TMTC2: variants seen among roughly 807,000 people sequenced by gnomAD.
TMTC2 encodes transmembrane O-mannosyltransferase targeting cadherins 2.
A neutral mutation model predicts 82.4 loss-of-function variants in TMTC2; 43 were observed. The observed-to-expected ratio is 0.52, with a 90% CI of 0.41 to 0.67. The LOEUF is 0.67. Among genes scored for constraint, TMTC2 ranks in the 30% least tolerant of loss-of-function variants. The pLI is 0.00. For synonymous variants in TMTC2, 408 were observed against 381.9 expected (o/e 1.07, Z -0.80); for missense variants, 919 against 1,012.4 (o/e 0.91, Z 1.25).
At chr12:82,897,803 G>A (rs1873756565) in intron 3 of TMTC2, among the ~76,000 whole-genome samples, 1 of 152,108 alleles carries the variant, frequency 6.6e-6, no homozygotes, top group African/African-American at 2.4e-5. Context: ...AGGATTACAG[G>A]TGTGAGCCAC....
At chr12:82,856,213 A>ATG (rs1871253321) in intron 1 of TMTC2, among the ~76,000 whole-genome samples, 6 of 152,364 alleles carry the variant, frequency 3.9e-5, no homozygotes, top group Middle Eastern at 6.8e-3. Flanking sequence ...GTTTGAAAAT[A>ATG]TCAGGCATGC....
chr12:83,075,053 G>C (rs1398546388), intron 11 of TMTC2, among the ~76,000 whole-genome samples: 1 of 152,184 alleles, frequency 6.6e-6, no homozygotes, highest in Non-Finnish European at 1.5e-5. Flanking sequence ...GGGCCTTTCT[G>C]CTGCTTCCTC....
intron 1 of TMTC2, among the ~76,000 whole-genome samples, chr12:82,839,950 C>G (rs949936425): frequency 1.1e-4 from 17 of 152,090 alleles, no homozygotes; most frequent in African/African-American, 3.9e-4. Context: ...ATGATTAATG[C>G]AAGCAAAATT....
chr12:82,845,226 CAAAAAAAA>C (rs66859423), intron 1 of TMTC2, among the ~76,000 whole-genome samples: 2 of 45,560 alleles, frequency 4.4e-5, no homozygotes, highest in African/African-American at 2.0e-4. Flanking sequence ...GTGACTGTCT[CAAAAAAAA>C]AAAAAAAAAA....
chr12:82,774,519 G>T (rs917830951), intron 1 of TMTC2, among the ~76,000 whole-genome samples: 4 of 151,962 alleles, frequency 2.6e-5, no homozygotes, highest in Admixed American at 2.6e-4. Context: ...TACTCGGGAG[G>T]CTGAGACAGG....
chr12:82,952,523 A>C (rs1877401900), intron 4 of TMTC2, among the ~76,000 whole-genome samples: 3 of 150,486 alleles, frequency 2.0e-5, no homozygotes, highest in Admixed American at 1.3e-4. Context: ...ACACACAGAC[A>C]CACACACACA....
chr12:82,851,792 G>A (rs1468881242), intron 1 of TMTC2, among the ~76,000 whole-genome samples: 1 of 151,898 alleles, frequency 6.6e-6, no homozygotes, highest in Non-Finnish European at 1.5e-5. Context: ...ACAATTGAAA[G>A]CATGTCAGAA....
At chr12:82,991,337 C>T (rs1208918756) in intron 8 of TMTC2, among the ~76,000 whole-genome samples, 1 of 152,012 alleles carries the variant, frequency 6.6e-6, no homozygotes, top group East Asian at 1.9e-4. Context: ...TATTTAGTTA[C>T]TCAATAACTA....
chr12:83,074,450 G>A (rs901247841), intron 11 of TMTC2, among the ~76,000 whole-genome samples: 3 of 152,094 alleles, frequency 2.0e-5, no homozygotes, highest in Non-Finnish European at 4.4e-5. Flanking sequence ...TCTCCTGCTG[G>A]GACCATCAAG....
chr12:82,774,314 C>T (rs934805902), intron 1 of TMTC2, among the ~76,000 whole-genome samples: 3 of 152,028 alleles, frequency 2.0e-5, no homozygotes, highest in Admixed American at 6.6e-5. Flanking sequence ...AAGTTTATTT[C>T]TTGCTTATAA....
chr12:82,808,128 G>T (rs1239714899), intron 1 of TMTC2, among the ~76,000 whole-genome samples: 2 of 151,676 alleles, frequency 1.3e-5, no homozygotes, highest in Non-Finnish European at 2.9e-5. Flanking sequence ...CATCTCTGGG[G>T]ATTAAAAAGC....
intron 1 of TMTC2, among the ~76,000 whole-genome samples, chr12:82,785,356 A>ACCCCC (rs150549652): frequency 4.0e-5 from 5 of 123,876 alleles, no homozygotes; most frequent in African/African-American, 1.6e-4. Flanking sequence ...TAAACAAACA[A>ACCCCC]CCCCCCCCCG....
intron 2 of TMTC2, among the ~76,000 whole-genome samples, chr12:82,860,312 C>T (rs1286351390): frequency 6.6e-6 from 1 of 152,138 alleles, no homozygotes; most frequent in African/African-American, 2.4e-5. Context: ...TCATCTTTGC[C>T]ACTCTCTTCA....
At chr12:82,996,296 G>A (rs568941602) in intron 8 of TMTC2, among the ~76,000 whole-genome samples, 1 of 152,296 alleles carries the variant, frequency 6.6e-6, no homozygotes, top group East Asian at 1.9e-4. Context: ...ACTGAAAGGG[G>A]TGAGGGTGAA....
intron 4 of TMTC2, among the ~76,000 whole-genome samples, chr12:82,957,493 T>G (rs1024104502): frequency 3.9e-5 from 6 of 151,992 alleles, no homozygotes; most frequent in African/African-American, 1.4e-4. Context: ...GCAAGCTAAC[T>G]GCAAAGGCAG....
intron 1 of TMTC2, among the ~76,000 whole-genome samples, chr12:82,796,659 T>G (rs1406154126): frequency 6.6e-6 from 1 of 152,110 alleles, no homozygotes; most frequent in Non-Finnish European, 1.5e-5. Flanking sequence ...AGTGACAGCC[T>G]CCTCCTCAGC....
At chr12:82,921,723 A>G (rs541156358) in intron 3 of TMTC2, among the ~76,000 whole-genome samples, 165 of 152,258 alleles carry the variant, frequency 1.1e-3, no homozygotes, top group Middle Eastern at 6.8e-3. Flanking sequence ...TATTTTTTGA[A>G]CTTCAGATAA....
At chr12:82,753,170 C>A (rs1383579872) in intron 1 of TMTC2, among the ~76,000 whole-genome samples, 1 of 152,024 alleles carries the variant, frequency 6.6e-6, no homozygotes, top group African/African-American at 2.4e-5. Flanking sequence ...CTCATCTTTT[C>A]CACTCATCAC....
At chr12:82,936,349 CTGAT>C (rs1238159866) in intron 4 of TMTC2, among the ~76,000 whole-genome samples, 3 of 151,928 alleles carry the variant, frequency 2.0e-5, no homozygotes, top group African/African-American at 7.3e-5. Flanking sequence ...CTAGATAAAA[CTGAT>C]TGCAATGTAT....
Sources: gnomAD v4.1 joint callset for allele counts (sites outside exome capture counted in the v4.1 genomes callset) on GRCh38, gnomAD v4.1.1 for gene constraint, MANE v1.5 for transcripts, NCBI Gene and HGNC (gene_info 2026-07-23, HGNC 2026-07-21) for gene names.